ATP8A1: variants seen among roughly 807,000 people sequenced by gnomAD.
ATP8A1 encodes ATPase phospholipid transporting 8A1.
In ATP8A1, 90 loss-of-function variants were observed where a neutral mutation model predicts 177.7. The observed-to-expected ratio is 0.51, with a 90% confidence interval of 0.43 to 0.60. The LOEUF is 0.60. Among genes scored for constraint, ATP8A1 ranks in the 20% least tolerant of loss-of-function variants. ATP8A1 has a pLI of 0.00. For synonymous variants in ATP8A1, 493 were observed against 485.9 expected (o/e 1.01, Z -0.19); for missense variants, 1,072 against 1,392.8 (o/e 0.77, Z 3.67).
intron 35 of ATP8A1, among the ~76,000 whole-genome samples, chr4:42,416,023 T>C (rs955753865): frequency 1.3e-5 from 2 of 152,236 alleles, no homozygotes; most frequent in Non-Finnish European, 2.9e-5. Flanking sequence ...GAAAACTAAT[T>C]AATCTAAAAC....
chr4:42,572,380 C>G (rs1731996003), intron 14 of ATP8A1, among the ~76,000 whole-genome samples: 1 of 152,202 alleles, frequency 6.6e-6, no homozygotes, highest in Non-Finnish European at 1.5e-5. Flanking sequence ...TCTCTCACCC[C>G]TTCACATCTA....
chr4:42,418,793 C>T (rs1713531905), intron 35 of ATP8A1, among the ~76,000 whole-genome samples: 1 of 152,052 alleles, frequency 6.6e-6, no homozygotes, highest in Non-Finnish European at 1.5e-5. Context: ...ATCTAATTTG[C>T]AGGGTAATAT....
intron 24 of ATP8A1, among the ~76,000 whole-genome samples, chr4:42,487,449 T>C (rs11729094): frequency 0.25 from 37,698 of 151,966 alleles, 4,712 homozygotes; most frequent in Middle Eastern, 0.29. Flanking sequence ...CACAAGGAAA[T>C]ATAATGAGTA....
intron 24 of ATP8A1, among the ~76,000 whole-genome samples, chr4:42,499,906 C>T (rs1723667239): frequency 6.6e-6 from 1 of 152,110 alleles, no homozygotes; most frequent in Non-Finnish European, 1.5e-5. Context: ...AAAATTAAAA[C>T]AAACTAAACG....
chr4:42,480,635 G>A (rs1721578454), intron 25 of ATP8A1, among the ~76,000 whole-genome samples: 1 of 152,178 alleles, frequency 6.6e-6, no homozygotes, highest in Non-Finnish European at 1.5e-5. Flanking sequence ...GATTTAAGAA[G>A]TAGATGTGCC....
rs568367898 is a variant in ATP8A1, at chr4:42,410,823, T to C, written c.*2093A>G. The C allele has an allele frequency of 1.3e-5, 2 of 152,336 alleles. No homozygotes were observed. Among genetic ancestry groups the C allele is most frequent in the South Asian group, 4.2e-4 (2 of 4,814 alleles). The allele number at this position is 152,336 out of a possible 1,614,324, so 9.4% of individuals were successfully genotyped here. A position where few individuals can be genotyped will look rare whatever the true frequency, so the allele number is the denominator to read the frequency against. On this transcript the variant is annotated 3_prime_UTR_variant, in exon 37 of 37. Transcript: ENST00000381668. ...TTCTATTATATCCATAATGTTTTTA[T>C]ATTAAAATTCTGCAGAAGGGTGCCA...
chr4:42,500,134 C>T (rs1723710871), intron 24 of ATP8A1, among the ~76,000 whole-genome samples: 1 of 152,034 alleles, frequency 6.6e-6, no homozygotes, highest in Admixed American at 6.6e-5. Flanking sequence ...GGAGGCCGAG[C>T]TGGGTGGATC....
intron 1 of ATP8A1, among the ~76,000 whole-genome samples, chr4:42,649,605 C>T (rs961299049): frequency 1.3e-5 from 2 of 152,122 alleles, no homozygotes; most frequent in African/African-American, 2.4e-5. Context: ...CATAGTTAAG[C>T]TCTTCCATTA....
intron 24 of ATP8A1, among the ~76,000 whole-genome samples, chr4:42,494,606 A>G (rs1211039585): frequency 6.6e-6 from 1 of 152,228 alleles, no homozygotes; most frequent in Non-Finnish European, 1.5e-5. Flanking sequence ...TCTAGGAAAG[A>G]TGGCATTATC....
chr4:42,535,794 A>T (rs886301867), intron 20 of ATP8A1, among the ~76,000 whole-genome samples: 6 of 152,326 alleles, frequency 3.9e-5, no homozygotes, highest in Non-Finnish European at 8.8e-5. Flanking sequence ...TCAAATTGGA[A>T]ATCAACTCCA....
intron 5 of ATP8A1, among the ~76,000 whole-genome samples, chr4:42,602,499 C>G (rs137886995): frequency 6.6e-6 from 1 of 152,332 alleles, no homozygotes; most frequent in Non-Finnish European, 1.5e-5. Context: ...AGCAGTAGCT[C>G]ACGCTTGTAA....
At chr4:42,420,959 G>A (rs1053636478) in intron 35 of ATP8A1, among the ~76,000 whole-genome samples, 7 of 151,902 alleles carry the variant, frequency 4.6e-5, no homozygotes, top group African/African-American at 7.3e-5. Context: ...TAGTAGAGAC[G>A]GGTTTTCACT....
Position 42,482,196 on chromosome 4 carries a change from G to A in ATP8A1, c.2324+3300C>T, listed in dbSNP as rs1435967781. ...TACATGCCTGTAATTCCAGCTACTC[G>A]GGAGCTGAGGCACAAGAATCGCTTG... On this transcript the variant is annotated intron_variant, in intron 25 of 36. Coordinates refer to ENST00000381668, the MANE Select transcript of ATP8A1 (RefSeq NM_006095.2). Among the ~76,000 whole-genome samples the A allele has an allele frequency of 3.6e-4, 6 of 16,662 alleles. No individual in the cohort carries two copies. The Non-Finnish European group carries it at 0.022, about 60-fold the overall frequency. 10.9% of individuals were successfully genotyped at this position (16,662 alleles called of 152,430 possible).
At chr4:42,600,822 G>A (rs1300652770) in intron 5 of ATP8A1, among the ~76,000 whole-genome samples, 1 of 152,080 alleles carries the variant, frequency 6.6e-6, no homozygotes, top group African/African-American at 2.4e-5. Flanking sequence ...CAAAAATGAT[G>A]TGAAAAAGGA....
chr4:42,630,347 A>G (rs1241917223), intron 1 of ATP8A1, among the ~76,000 whole-genome samples: 1 of 152,202 alleles, frequency 6.6e-6, no homozygotes, highest in Non-Finnish European at 1.5e-5. Context: ...GTTCGTTCAC[A>G]TAAGTCATTA....
At chr4:42,453,885 G>T (rs1449173773) in intron 29 of ATP8A1, among the ~76,000 whole-genome samples, 1 of 152,118 alleles carries the variant, frequency 6.6e-6, no homozygotes, top group Non-Finnish European at 1.5e-5. Flanking sequence ...TCTGATTGTG[G>T]CTTGCCATCA....
chr4:42,482,207 C>A (rs1383320869), intron 25 of ATP8A1, among the ~76,000 whole-genome samples: 4 of 151,526 alleles, frequency 2.6e-5, no homozygotes, highest in Non-Finnish European at 5.9e-5. Flanking sequence ...GGAGCTGAGG[C>A]ACAAGAATCG....
chr4:42,567,355 A>G (rs576109410), intron 15 of ATP8A1, among the ~76,000 whole-genome samples: 1 of 152,290 alleles, frequency 6.6e-6, no homozygotes, highest in South Asian at 2.1e-4. Flanking sequence ...CCTGGCCAAC[A>G]TAGTAAAACC....
intron 5 of ATP8A1, among the ~76,000 whole-genome samples, chr4:42,614,475 C>T (rs975386799): frequency 1.3e-5 from 2 of 152,156 alleles, no homozygotes; most frequent in Non-Finnish European, 2.9e-5. Flanking sequence ...TGGATTTTTT[C>T]CCTTTCAATT....
Sources: allele counts gnomAD v4.1 joint callset (sites outside exome capture counted in the v4.1 genomes callset), GRCh38; gene constraint gnomAD v4.1.1; transcripts MANE v1.5; gene names NCBI Gene and HGNC (gene_info 2026-07-23, HGNC 2026-07-21).